The following CASR variants were observed in gnomAD, a reference collection of about 807,000 sequenced individuals.
CASR encodes the protein calcium sensing receptor.
A neutral mutation model predicts 69.1 loss-of-function variants in CASR; 23 were observed. The observed-to-expected ratio is 0.33, with a 90% CI of 0.24 to 0.47. CASR has a LOEUF of 0.47. Among genes scored for constraint, CASR ranks in the 20% least tolerant of loss-of-function variants. The probability of loss-of-function intolerance (pLI) is 1.00; values close to 1 mark genes in which losing one functional copy is unlikely to be tolerated. For missense variants in CASR, 924 were observed against 1,356.1 expected (o/e 0.68, Z 5.00); for synonymous variants, 541 against 544.7 (o/e 0.99, Z 0.10).
intron 1 of CASR, among the ~76,000 whole-genome samples, chr3:122,253,660 T>C (rs1473503867): frequency 6.6e-6 from 1 of 152,194 alleles, no homozygotes; most frequent in Non-Finnish European, 1.5e-5. Flanking sequence ...CACAGGAAAA[T>C]GAATGGATTA....
intron 4 of CASR, among the ~76,000 whole-genome samples, chr3:122,271,579 C>T (rs1381311434): frequency 6.6e-6 from 1 of 152,188 alleles, no homozygotes; most frequent in Admixed American, 6.5e-5. Context: ...TTTTCCATGC[C>T]TTCTTTTTTG....
intron 1 of CASR, among the ~76,000 whole-genome samples, chr3:122,218,758 T>C (rs1040943500): frequency 2.0e-5 from 3 of 152,148 alleles, no homozygotes; most frequent in Admixed American, 6.5e-5. Flanking sequence ...TTGGAGGGGA[T>C]TGGAACTGAA....
intron 1 of CASR, among the ~76,000 whole-genome samples, chr3:122,192,761 T>A (rs1173201742): frequency 6.6e-6 from 1 of 152,166 alleles, no homozygotes; most frequent in Non-Finnish European, 1.5e-5. Flanking sequence ...AAAATCTGAT[T>A]AAGCGGGTCT....
At position 122,285,499 on chromosome 3, in the gene CASR, G is replaced by A; in HGVS notation, c.*308G>A. On this transcript the variant is annotated 3_prime_UTR_variant, in exon 7 of 7. Coordinates refer to ENST00000639785, the MANE Select transcript of CASR (RefSeq NM_000388.4). ...GTTCTATCCCACCCAACAGCTCAGA[G>A]ATGAAACTATGGCTTTAAACTACCC... 5.3e-6 allele frequency: 2 copies of A among 376,382 alleles called. No individual in the cohort carries two copies. The highest frequency in any genetic ancestry group is 2.5e-5 in the South Asian group (1 of 40,268). 23.3% of individuals were successfully genotyped at this position (376,382 alleles called of 1,614,324 possible).
intron 4 of CASR, among the ~76,000 whole-genome samples, chr3:122,274,640 G>A (rs1322190808): frequency 6.6e-6 from 1 of 152,194 alleles, no homozygotes; most frequent in Non-Finnish European, 1.5e-5. Context: ...AGTGGCTCAT[G>A]CCTGTAACTC....
At chr3:122,248,531 G>A (rs1397544913) in intron 1 of CASR, among the ~76,000 whole-genome samples, 2 of 151,792 alleles carry the variant, frequency 1.3e-5, no homozygotes, top group African/African-American at 4.8e-5. Flanking sequence ...ACATAGCAGT[G>A]TACTCACGTT....
chr3:122,214,436 A>G (rs145367890), intron 1 of CASR, among the ~76,000 whole-genome samples: 2 of 152,290 alleles, frequency 1.3e-5, no homozygotes, highest in African/African-American at 4.8e-5. Context: ...TATGCAGACT[A>G]TCTCTTCTAT....
At chr3:122,251,448 G>A (rs1012206009) in intron 1 of CASR, among the ~76,000 whole-genome samples, 1 of 152,184 alleles carries the variant, frequency 6.6e-6, no homozygotes, top group African/African-American at 2.4e-5. Flanking sequence ...CACTAAAGCT[G>A]TGCACGTTGA....
chr3:122,230,723 G>T (rs544112220), intron 1 of CASR, among the ~76,000 whole-genome samples: 1 of 152,124 alleles, frequency 6.6e-6, no homozygotes, highest in Non-Finnish European at 1.5e-5. Flanking sequence ...CACCAAGCCC[G>T]TGATACCACT....
chr3:122,252,445 G>GAAAGAAAGAAAGAAAAAAA (rs1559954401), intron 1 of CASR, among the ~76,000 whole-genome samples: 1 of 67,780 alleles, frequency 1.5e-5, no homozygotes, highest in Non-Finnish European at 2.8e-5. Context: ...AAGAAAGAAA[G>GAAAGAAAGAAAGAAAAAAA]AAAAAAAAGA....
In CASR at chr3:122,260,920, GGGA is replaced by G. The variant is rs1235929132; in HGVS notation, c.493-598_493-596del. On this transcript the variant is annotated intron_variant, in intron 3 of 6. Coordinates refer to ENST00000639785, the MANE Select transcript of CASR (RefSeq NM_000388.4). ...AAAGTACTGGGGTGCGGGGAGGAGA[GGGA>G]GGAGGAGGAATAACCAGAGGAGGGG... is the stretch of plus-strand genomic sequence containing the variant. Among the ~76,000 whole-genome samples the G allele has an allele frequency of 9.2e-5, 14 of 152,240 alleles. No homozygotes were observed. The East Asian group carries it at 2.5e-3, about 27-fold the overall frequency.
Position 122,220,399 on chromosome 3 carries a change from C to G in CASR, c.-242-33549C>G, listed in dbSNP as rs550555243. On this transcript the variant is annotated intron_variant, in intron 1 of 6. Coordinates refer to ENST00000639785, the MANE Select transcript of CASR (RefSeq NM_000388.4). Reference sequence around the variant, plus strand: ...ATATGTCTGAGAGTACTAATTATTTCCAAATATTGGGAATCCAGCTTTACA... The same window carrying G: ...ATATGTCTGAGAGTACTAATTATTTGCAAATATTGGGAATCCAGCTTTACA... 4.6e-5 allele frequency among the ~76,000 whole-genome samples: 7 copies of G among 152,216 alleles called. No homozygotes were observed. The East Asian group carries it at 9.7e-4, about 21-fold the overall frequency.
At chr3:122,240,958 G>T (rs938629505) in intron 1 of CASR, among the ~76,000 whole-genome samples, 5 of 151,844 alleles carry the variant, frequency 3.3e-5, no homozygotes, top group Admixed American at 2.6e-4. Context: ...AAATTAAGAA[G>T]GAAATTTAAA....
chr3:122,252,420 A>AGAAAG (rs2074502480), intron 1 of CASR, among the ~76,000 whole-genome samples: 1 of 86,322 alleles, frequency 1.2e-5, no homozygotes, highest in South Asian at 3.9e-4. Flanking sequence ...AAAGAAAGAA[A>AGAAAG]GAAAGAAAGA....
Position 122,261,636 on chromosome 3 carries a change from A to G in CASR, c.601A>G (p.Ile201Val). The G allele has an allele frequency of 1.9e-6, 3 of 1,614,232 alleles. No individual in the cohort carries two copies. The highest frequency in any genetic ancestry group is 2.5e-6 in the Non-Finnish European group (3 of 1,180,018). The change falls in exon 4 of 7, where the codon ATC becomes GTC. Residue 201 changes from isoleucine (I) to valine (V), a missense_variant. Ile to Val is a conservative substitution (Grantham distance 29). This residue lies in a region of CASR where 141 missense variants were observed against 283.0 expected (regional missense o/e 0.50). Coordinates refer to ENST00000639785, the MANE Select transcript of CASR (RefSeq NM_000388.4). ...EHQATAMADI[I>V]EYFRWNWVGT... is the part of the protein sequence containing the mutation. ...CCAGGCCACTGCCATGGCAGACATCATCGAGTATTTCCGCTGGAACTGGGT... is the reference window on the plus strand; with the variant it reads ...CCAGGCCACTGCCATGGCAGACATCGTCGAGTATTTCCGCTGGAACTGGGT...
In CASR at chr3:122,283,815, G is replaced by A. The variant is rs751538967; in HGVS notation, c.1861G>A (p.Val621Met). 1.5e-5 allele frequency: 25 copies of A among 1,613,950 alleles called. No homozygotes were observed. The highest frequency in any genetic ancestry group is 1.2e-4 in the South Asian group (11 of 91,076). ...TGGGATCGCACTCACCCTCTTTGCC[G>A]TGCTGGGCATTTTCCTGACAGCCTT... The part of the protein sequence containing the change: ...PFGIALTLFA[V>M]LGIFLTAFVL... The change falls in exon 7 of 7, where the codon GTG becomes ATG. Residue 621 changes from valine to methionine, a missense_variant. Physicochemically the swap from Val to Met is conservative, Grantham distance 21. This residue lies in a region of CASR where 184 missense variants were observed against 278.8 expected (regional missense o/e 0.66). Coordinates refer to ENST00000639785, the MANE Select transcript of CASR (RefSeq NM_000388.4).
At chr3:122,239,112 G>T (rs1269969817) in intron 1 of CASR, among the ~76,000 whole-genome samples, 1 of 152,148 alleles carries the variant, frequency 6.6e-6, no homozygotes, top group African/African-American at 2.4e-5. Context: ...GCACCAAGCG[G>T]GCTCTTGGGT....
intron 4 of CASR, among the ~76,000 whole-genome samples, chr3:122,273,303 GCTATATGA>G (rs2107641487): frequency 6.6e-6 from 1 of 152,296 alleles, no homozygotes; most frequent in African/African-American, 2.4e-5. Flanking sequence ...GCACTTAGTG[GCTATATGA>G]CTTTTGCAAG....
At chr3:122,280,784 T>A (rs907192487) in intron 5 of CASR, among the ~76,000 whole-genome samples, 1 of 152,220 alleles carries the variant, frequency 6.6e-6, no homozygotes. Flanking sequence ...TAAGACATCT[T>A]ACAAAGTAGT....
Sources: gnomAD v4.1 joint callset for allele counts (sites outside exome capture counted in the v4.1 genomes callset) on GRCh38, gnomAD v4.1.1 for gene constraint, gnomAD v4.1.1 regional missense constraint, MANE v1.5 for transcripts, NCBI Gene and HGNC (gene_info 2026-07-23, HGNC 2026-07-21) for gene names.